The following MYO16 variants were observed in gnomAD, a reference collection of about 807,000 sequenced individuals.
MYO16 encodes the protein unconventional myosin-XVI.
A neutral mutation model predicts 205.3 loss-of-function variants in MYO16; 94 were observed. The ratio of observed to expected loss-of-function variants is 0.46; its 90% CI spans 0.39 to 0.54. MYO16 has a LOEUF of 0.54. Ranked by LOEUF, MYO16 falls within the 20% of genes least tolerant of loss-of-function variation. MYO16 has a pLI of 0.00. For synonymous variants in MYO16, 988 were observed against 954.0 expected (o/e 1.04, Z -0.66); for missense variants, 2,315 against 2,387.5 (o/e 0.97, Z 0.63).
At position 108,898,053 on chromosome 13, in the gene MYO16, C is replaced by G; in HGVS notation, c.1697C>G (p.Thr566Ser). 6.2e-7 allele frequency: 1 copy of G among 1,614,080 alleles called. No individual in the cohort carries two copies. Among genetic ancestry groups the G allele is most frequent in the Non-Finnish European group, 8.5e-7 (1 of 1,179,920 alleles). The change falls in exon 15 of 35, where the codon ACC becomes AGC. Residue 566 changes from threonine (T) to serine (S), a missense_variant. Transcript: ENST00000457511. ...TTAGAAGCCTTTGGACATGCCAAGA[C>G]CACACTTAATGATTTGTCCAGTTGC... Reference protein sequence around the residue: ...CILEAFGHAKTTLNDLSSCFI... With the variant: ...CILEAFGHAKSTLNDLSSCFI...
chr13:108,521,266 A>T, the MYO16 span, among the ~76,000 whole-genome samples: 12 of 152,256 alleles, frequency 7.9e-5, no homozygotes, highest in Admixed American at 2.0e-4. Context: ...ACTAGAATAG[A>T]TAAGGAGACT....
intron 1 of MYO16, among the ~76,000 whole-genome samples, chr13:108,610,140 T>G (rs1269099444): frequency 6.6e-6 from 1 of 152,148 alleles, no homozygotes; most frequent in Non-Finnish European, 1.5e-5. Flanking sequence ...CTCTAGACAT[T>G]GTTTGTCCAT....
At chr13:108,655,736 A>T (rs749124907) in intron 1 of MYO16, among the ~76,000 whole-genome samples, 3 of 152,128 alleles carry the variant, frequency 2.0e-5, no homozygotes, top group Non-Finnish European at 4.4e-5. Flanking sequence ...ATGGGAACCT[A>T]CCTCTTGCAT....
Position 109,183,325 on chromosome 13 carries a change from A to C in MYO16, c.5415+3692A>C, listed in dbSNP as rs187349074. Among the ~76,000 whole-genome samples, 1,012 of 152,338 alleles carry C rather than the reference A, an allele frequency of 6.6e-3. 7 individuals are homozygous for C. The highest frequency in any genetic ancestry group is 0.014 in the Middle Eastern group (4 of 294). On this transcript the variant is annotated intron_variant, in intron 34 of 34. Coordinates refer to ENST00000457511, the MANE Select transcript of MYO16 (RefSeq NM_001198950.3). The stretch of plus-strand genomic sequence containing the variant: ...GACTCAGAGGGCCAGGTAACCTGAC[A>C]CAGGAAGCCCACGATTTATAAATAG...
intron 10 of MYO16, among the ~76,000 whole-genome samples, chr13:108,846,376 C>A (rs965591800): frequency 6.6e-6 from 1 of 152,144 alleles, no homozygotes; most frequent in South Asian, 2.1e-4. Flanking sequence ...CATGGGAAGC[C>A]ACTTTGAATA....
intron 5 of MYO16, among the ~76,000 whole-genome samples, chr13:108,788,405 T>G (rs1886519776): frequency 6.6e-6 from 1 of 152,146 alleles, no homozygotes; most frequent in East Asian, 1.9e-4. Context: ...CCAGCTGGCA[T>G]GCAAGGAAGG....
intron 21 of MYO16, among the ~76,000 whole-genome samples, chr13:108,994,393 A>G (rs1884936777): frequency 6.6e-6 from 1 of 152,122 alleles, no homozygotes. Flanking sequence ...AGCAACTAGG[A>G]GTCATTTAGA....
At chr13:108,984,593 G>A (rs1884563204) in intron 20 of MYO16, among the ~76,000 whole-genome samples, 3 of 152,022 alleles carry the variant, frequency 2.0e-5, no homozygotes, top group Admixed American at 2.0e-4. Context: ...GTCCTGCTGG[G>A]GTCCCAACTT....
At chr13:108,747,004 A>G (rs566274449) in intron 4 of MYO16, among the ~76,000 whole-genome samples, 56 of 152,304 alleles carry the variant, frequency 3.7e-4, no homozygotes, top group Admixed American at 9.2e-4. Flanking sequence ...GGAGTGAAAT[A>G]CTTAAAATGC....
At chr13:109,049,952 G>C (rs1887190017) in intron 24 of MYO16, among the ~76,000 whole-genome samples, 1 of 144,722 alleles carries the variant, frequency 6.9e-6, no homozygotes, top group South Asian at 2.3e-4. Flanking sequence ...GTGTGTGTGT[G>C]TGTGTGTGTG....
chr13:109,153,188 A>G (rs140165194), intron 32 of MYO16, among the ~76,000 whole-genome samples: 2 of 152,278 alleles, frequency 1.3e-5, no homozygotes, highest in Non-Finnish European at 2.9e-5. Flanking sequence ...CTCAGCTCAC[A>G]AATATGTCCT....
the MYO16 span, among the ~76,000 whole-genome samples, chr13:108,590,359 T>C: frequency 6.6e-6 from 1 of 152,204 alleles, no homozygotes; most frequent in Non-Finnish European, 1.5e-5. Context: ...TTTCATTGAT[T>C]GTAGCCGAGT....
Position 109,141,473 on chromosome 13 carries a change from GT to G in MYO16, c.5164+100del. On this transcript the variant is annotated intron_variant, in intron 32 of 34. Coordinates refer to ENST00000457511, the MANE Select transcript of MYO16 (RefSeq NM_001198950.3). The surrounding 1 kb of genome is among the most constrained non-coding windows in gnomAD (Gnocchi z 4.1). Reference sequence around the variant, plus strand: ...GTCTGCGCAGATGTGAAATAGTAAAGTTTCAGGTGATGGCCGTGGTCGTTCA... The same window carrying G: ...GTCTGCGCAGATGTGAAATAGTAAAGTTCAGGTGATGGCCGTGGTCGTTCA... 1.1e-6 allele frequency: 1 copy of G among 878,104 alleles called. No individual in the cohort carries two copies. Among genetic ancestry groups the G allele is most frequent in the Non-Finnish European group, 1.6e-6 (1 of 629,554 alleles). The allele number at this position is 878,104 out of a possible 1,614,324, so 54.4% of individuals were successfully genotyped here. A position where few individuals can be genotyped will look rare whatever the true frequency, so the allele number is the denominator to read the frequency against.
intron 32 of MYO16, among the ~76,000 whole-genome samples, chr13:109,147,361 T>C (rs949377601): frequency 2.6e-5 from 4 of 152,184 alleles, no homozygotes; most frequent in Non-Finnish European, 5.9e-5. Flanking sequence ...ATGACTCAAA[T>C]GCCCCTGAAT....
intron 27 of MYO16, among the ~76,000 whole-genome samples, chr13:109,076,822 A>G (rs9521159): frequency 0.57 from 85,942 of 151,776 alleles, 24,517 homozygotes; most frequent in Non-Finnish European, 0.6. Context: ...TCAGGCTGGA[A>G]GGCAGAAAAG....
At chr13:108,825,333 G>T (rs1416765612) in intron 9 of MYO16, among the ~76,000 whole-genome samples, 1 of 151,788 alleles carries the variant, frequency 6.6e-6, no homozygotes, top group Non-Finnish European at 1.5e-5. Context: ...ATTTGACAAA[G>T]CCCAACACCC....
Position 108,844,327 on chromosome 13 carries a change from A to AT in MYO16, c.1098-8dup, listed in dbSNP as rs753518170. On this transcript the variant is annotated splice_polypyrimidine_tract_variant and intron_variant, in intron 9 of 34. Coordinates refer to ENST00000457511, the MANE Select transcript of MYO16 (RefSeq NM_001198950.3). ...TAGAAAGAGACTAATTGTAGTATTGATTTTTTTTCCTGTAGCAGTCCCCTG... is the reference window on the plus strand; with the variant it reads ...TAGAAAGAGACTAATTGTAGTATTGATTTTTTTTTCCTGTAGCAGTCCCCTG... 1.7e-4 allele frequency: 276 copies of AT among 1,599,202 alleles called. No individual in the cohort carries two copies. The Middle Eastern group carries it at 2.0e-3, about 12-fold the overall frequency.
intron 16 of MYO16, among the ~76,000 whole-genome samples, chr13:108,911,661 G>A (rs1219073700): frequency 6.6e-6 from 1 of 152,192 alleles, no homozygotes; most frequent in Non-Finnish European, 1.5e-5. Context: ...TTTTGAGTAT[G>A]CAAGAGAATT....
At chr13:108,729,012 A>G (rs1664635065) in intron 4 of MYO16, among the ~76,000 whole-genome samples, 1 of 149,024 alleles carries the variant, frequency 6.7e-6, no homozygotes, top group Admixed American at 6.7e-5. Context: ...GTAGAAATAT[A>G]TGTCACTAAA....
Sources: allele counts gnomAD v4.1 joint callset (sites outside exome capture counted in the v4.1 genomes callset), GRCh38; gene constraint gnomAD v4.1.1; non-coding constraint Gnocchi (gnomAD v3.1); transcripts MANE v1.5; gene names NCBI Gene and HGNC (gene_info 2026-07-23, HGNC 2026-07-21).